FOXP1: variants seen among roughly 807,000 people sequenced by gnomAD.
FOXP1 encodes the protein forkhead box protein P1.
A neutral mutation model predicts 98.2 loss-of-function variants in FOXP1; 15 were observed. That is an observed-to-expected ratio of 0.15 (90% confidence interval 0.10 to 0.24). FOXP1 has a LOEUF of 0.24. Among genes scored for constraint, FOXP1 ranks in the 10% least tolerant of loss-of-function variants. The probability of loss-of-function intolerance (pLI) is 1.00; values close to 1 mark genes in which losing one functional copy is unlikely to be tolerated. For synonymous variants in FOXP1, 371 were observed against 314.5 expected, an observed-to-expected ratio of 1.18 and a Z score of -1.90; for missense variants, 633 against 848.5, an observed-to-expected ratio of 0.75 and a Z score of 3.15.
In FOXP1 at chr3:71,005,686, T is replaced by C. The variant is rs1258790274; in HGVS notation, c.975-4627A>G. 2.0e-5 allele frequency among the ~76,000 whole-genome samples: 3 copies of C among 152,212 alleles called. No homozygotes were observed. In the South Asian group the frequency reaches 6.2e-4, roughly 32 times the overall value. On this transcript the variant is annotated intron_variant, in intron 12 of 20. Coordinates refer to ENST00000649528, the MANE Select transcript of FOXP1 (RefSeq NM_001349338.3). ...AATGTACCTCTTGTTTATCACCATA[T>C]GGAAGAAGCGCATAAAAAGCAGACG...
intron 4 of FOXP1, among the ~76,000 whole-genome samples, chr3:71,312,338 G>A (rs996351625): frequency 3.3e-5 from 5 of 152,164 alleles, no homozygotes; most frequent in African/African-American, 1.2e-4. Flanking sequence ...ATATAAGGCA[G>A]CAGGGTGGAG....
At chr3:71,087,144 T>C (rs1414993994) in intron 7 of FOXP1, among the ~76,000 whole-genome samples, 1 of 152,170 alleles carries the variant, frequency 6.6e-6, no homozygotes, top group East Asian at 1.9e-4. Context: ...TTGGATTTCC[T>C]CGGGACAGTC....
intron 3 of FOXP1, among the ~76,000 whole-genome samples, chr3:71,446,643 G>A (rs904365102): frequency 1.3e-5 from 2 of 152,214 alleles, no homozygotes. Context: ...ATGAAGTCAT[G>A]TTCTTACAAT....
rs75212778 is a variant in FOXP1 at position 71,256,295 on chromosome 3, A to T, written c.-12+43525T>A. Among the ~76,000 whole-genome samples, 12 of 152,010 alleles carry T rather than the reference A, an allele frequency of 7.9e-5. No individual in the cohort carries two copies. The East Asian group carries it at 2.3e-3, about 29-fold the overall frequency. The stretch of plus-strand genomic sequence containing the variant: ...GCGCCTCTCTCCAATCAACTCCACT[A>T]TTCCTGTAGAGCTCAGGGACAGCAG... On this transcript the variant is annotated intron_variant, in intron 5 of 20. Coordinates refer to ENST00000649528, the MANE Select transcript of FOXP1 (RefSeq NM_001349338.3).
intron 6 of FOXP1, among the ~76,000 whole-genome samples, chr3:71,126,991 C>G (rs2059253402): frequency 6.6e-6 from 1 of 151,074 alleles, no homozygotes; most frequent in African/African-American, 2.4e-5. Flanking sequence ...AAATTAAAAG[C>G]ACATTTTGAG....
At chr3:71,370,128 G>C (rs750420495) in intron 3 of FOXP1, among the ~76,000 whole-genome samples, 23 of 152,174 alleles carry the variant, frequency 1.5e-4, no homozygotes, top group Non-Finnish European at 2.6e-4. Context: ...ATAGGAGCAA[G>C]CACAAATACC....
chr3:71,581,144 G>T, intron 2 of FOXP1: 3 of 981,980 alleles, frequency 3.1e-6, no homozygotes, highest in Non-Finnish European at 2.4e-6. Flanking sequence ...GAATTAAGAC[G>T]AAAGCATAGG....
chr3:71,449,380 G>A (rs2086731441), intron 3 of FOXP1, among the ~76,000 whole-genome samples: 1 of 152,132 alleles, frequency 6.6e-6, no homozygotes, highest in Non-Finnish European at 1.5e-5. Context: ...GGTGTTAAAA[G>A]AAGTGAAATG....
chr3:71,437,459 A>G (rs1300138647), intron 3 of FOXP1, among the ~76,000 whole-genome samples: 2 of 152,272 alleles, frequency 1.3e-5, no homozygotes, highest in East Asian at 3.9e-4. Context: ...ATGAATACAT[A>G]CAGAGTTTGG....
chr3:70,980,345 G>A (rs976380948), intron 14 of FOXP1, among the ~76,000 whole-genome samples: 4 of 152,196 alleles, frequency 2.6e-5, no homozygotes, highest in South Asian at 2.1e-4. Flanking sequence ...TAATTCAGAC[G>A]CTGCTAAGCC....
intron 18 of FOXP1, chr3:70,971,783 C>CAAAATAGAACGAATATTTGCAT: frequency 2.6e-6 from 1 of 386,310 alleles, no homozygotes; most frequent in Non-Finnish European, 4.6e-6. Flanking sequence ...GCTGCTGAAT[C>CAAAATAGAACGAATATTTGCAT]AAAATAGAAC....
chr3:71,157,191 A>T (rs1315975510), intron 6 of FOXP1, among the ~76,000 whole-genome samples: 1 of 152,228 alleles, frequency 6.6e-6, no homozygotes, highest in East Asian at 1.9e-4. Context: ...AAACAGGTAT[A>T]GATTTTCAAA....
At chr3:71,143,734 A>T (rs1017659154) in intron 6 of FOXP1, among the ~76,000 whole-genome samples, 3 of 152,166 alleles carry the variant, frequency 2.0e-5, no homozygotes, top group African/African-American at 7.2e-5. Context: ...TCTCTACAAA[A>T]AATAAAATAA....
At chr3:71,483,562 T>C (rs564786757) in intron 3 of FOXP1, among the ~76,000 whole-genome samples, 2 of 152,276 alleles carry the variant, frequency 1.3e-5, no homozygotes, top group South Asian at 2.1e-4. Context: ...TAGTGACACA[T>C]GAAAATCATG....
rs904777631 is a variant in FOXP1, at chr3:71,289,308, G to C, written c.-12+10512C>G. Among the ~76,000 whole-genome samples, 6 of 151,784 alleles carry C rather than the reference G, an allele frequency of 4.0e-5. No individual in the cohort carries two copies. The East Asian group carries it at 1.2e-3, about 29-fold the overall frequency. On this transcript the variant is annotated intron_variant, in intron 5 of 20. Transcript: ENST00000649528. ...CCTGCCTTGGCCTCCCAAAGTGCTG[G>C]TATTACAGTCATGAGCCACTGTGCC...
intron 5 of FOXP1, among the ~76,000 whole-genome samples, chr3:71,271,055 A>AC (rs1354249937): frequency 2.0e-5 from 3 of 152,120 alleles, no homozygotes; most frequent in African/African-American, 7.2e-5. Context: ...ATATGGTGAA[A>AC]CCCCGACTCT....
intron 19 of FOXP1, among the ~76,000 whole-genome samples, chr3:70,967,721 T>G (rs536562186): frequency 4.9e-5 from 7 of 143,924 alleles, no homozygotes; most frequent in South Asian, 2.2e-4. Context: ...TTTTTTTTTT[T>G]TTTTTTTGCA....
chr3:71,379,278 T>C (rs770046622), intron 3 of FOXP1, among the ~76,000 whole-genome samples: 33 of 152,168 alleles, frequency 2.2e-4, no homozygotes, highest in Non-Finnish European at 4.4e-4. Flanking sequence ...AAGATGATTT[T>C]AGGTGGTACA....
intron 3 of FOXP1, among the ~76,000 whole-genome samples, chr3:71,418,209 T>C (rs537197687): frequency 2.8e-4 from 43 of 152,160 alleles, no homozygotes; most frequent in African/African-American, 1.0e-3. Context: ...GAGAAGAATG[T>C]AGACAGAATC....
Sources: allele counts gnomAD v4.1 joint callset (sites outside exome capture counted in the v4.1 genomes callset), GRCh38; gene constraint gnomAD v4.1.1; transcripts MANE v1.5; gene names NCBI Gene and HGNC (gene_info 2026-07-23, HGNC 2026-07-21).